MAGI2: variants seen among roughly 807,000 people sequenced by gnomAD.
MAGI2 encodes membrane associated guanylate kinase, WW and PDZ domain containing 2.
MAGI2 carries 35 observed loss-of-function variants against 133.3 expected under a neutral mutation model. The ratio of observed to expected loss-of-function variants is 0.26; its 90% CI spans 0.20 to 0.35. The LOEUF is 0.35. Among genes scored for constraint, MAGI2 ranks in the 10% least tolerant of loss-of-function variants. The pLI is 1.00. For synonymous variants in MAGI2, 729 were observed against 710.6 expected, an observed-to-expected ratio of 1.03 and a Z score of -0.41; for missense variants, 1,636 against 1,863.4, an observed-to-expected ratio of 0.88 and a Z score of 2.25.
At chr7:79,047,990 T>C (rs1812330512) in intron 1 of MAGI2, among the ~76,000 whole-genome samples, 1 of 152,326 alleles carries the variant, frequency 6.6e-6, no homozygotes, top group Admixed American at 6.5e-5. Context: ...CCCACTACGA[T>C]GGCCTATTAG....
intron 2 of MAGI2, among the ~76,000 whole-genome samples, chr7:78,709,118 TTA>T (rs1413094382): frequency 6.6e-6 from 1 of 152,066 alleles, no homozygotes; most frequent in Non-Finnish European, 1.5e-5. Flanking sequence ...ATAAATCTGA[TTA>T]TATTACTACC....
rs60664460 is a variant in MAGI2 at position 79,371,097 on chromosome 7, C to T, written c.301+81923G>A. On this transcript the variant is annotated intron_variant, in intron 1 of 21. Transcript: ENST00000354212. ...ATTCCAGTTTTTTAAGGAAGTCTTCCCCGATCACTCCAGAGACAGTAATAT... is the reference window on the plus strand; with the variant it reads ...ATTCCAGTTTTTTAAGGAAGTCTTCTCCGATCACTCCAGAGACAGTAATAT... Among the ~76,000 whole-genome samples, 1,296 of 152,106 alleles carry T rather than the reference C, an allele frequency of 8.5e-3. 12 individuals are homozygous for T. The highest frequency in any genetic ancestry group is 0.03 in the African/African-American group (1,243 of 41,498).
At chr7:78,860,174 A>G (rs1016546153) in intron 2 of MAGI2, among the ~76,000 whole-genome samples, 2 of 152,104 alleles carry the variant, frequency 1.3e-5, no homozygotes. Flanking sequence ...CTTCTTTGCT[A>G]TGGGTTCAAA....
chr7:78,892,956 G>C (rs1796890858), intron 2 of MAGI2, among the ~76,000 whole-genome samples: 1 of 151,972 alleles, frequency 6.6e-6, no homozygotes. Flanking sequence ...TACAAAATGG[G>C]AGAAAATTTT....
At chr7:78,889,786 GA>G (rs1256193569) in intron 2 of MAGI2, among the ~76,000 whole-genome samples, 1 of 151,384 alleles carries the variant, frequency 6.6e-6, no homozygotes, top group African/African-American at 2.4e-5. Context: ...GCCAAATTGT[GA>G]AGACCATTGA....
At chr7:78,702,438 TA>T (rs1384034896) in intron 2 of MAGI2, among the ~76,000 whole-genome samples, 2 of 151,984 alleles carry the variant, frequency 1.3e-5, no homozygotes, top group Non-Finnish European at 2.9e-5. Context: ...ATCTTGTTTA[TA>T]GTCACTAAAT....
chr7:78,842,548 AT>A (rs565330503), intron 2 of MAGI2, among the ~76,000 whole-genome samples: 12 of 151,826 alleles, frequency 7.9e-5, no homozygotes, highest in Non-Finnish European at 1.3e-4. Context: ...TGTTTATATC[AT>A]TTTTAACAAA....
chr7:78,494,088 C>T (rs1044190079), intron 5 of MAGI2, among the ~76,000 whole-genome samples: 3 of 151,860 alleles, frequency 2.0e-5, no homozygotes, highest in South Asian at 2.1e-4. Flanking sequence ...GTGATTCTCC[C>T]GCCTCAGCCT....
intron 2 of MAGI2, among the ~76,000 whole-genome samples, chr7:78,713,361 A>G (rs1056937609): frequency 6.6e-6 from 1 of 152,178 alleles, no homozygotes; most frequent in Non-Finnish European, 1.5e-5. Flanking sequence ...GGCCCTGGTT[A>G]TAGTTTTGGC....
intron 2 of MAGI2, among the ~76,000 whole-genome samples, chr7:78,902,341 T>C (rs991492650): frequency 4.6e-5 from 7 of 152,174 alleles, no homozygotes; most frequent in Admixed American, 1.3e-4. Flanking sequence ...ACTTCCTATG[T>C]TTACCTCATG....
In MAGI2 at chr7:79,247,092, C is replaced by CA. The variant is rs981670922; in HGVS notation, c.301+205927dup. 1.1e-3 allele frequency among the ~76,000 whole-genome samples: 162 copies of CA among 151,562 alleles called. 1 individual carries two copies. Among genetic ancestry groups the CA allele is most frequent in the Admixed American group, 4.3e-3 (66 of 15,234 alleles). ...CATGGAGGAGAAATAGTTTCCCAGACAAAAAAAACCTGTGACATTTCATCA... is the reference window on the plus strand; with the variant it reads ...CATGGAGGAGAAATAGTTTCCCAGACAAAAAAAAACCTGTGACATTTCATCA... On this transcript the variant is annotated intron_variant, in intron 1 of 21. Transcript: ENST00000354212.
intron 9 of MAGI2, among the ~76,000 whole-genome samples, chr7:78,277,695 A>T (rs552615900): frequency 1.6e-4 from 24 of 152,350 alleles, no homozygotes; most frequent in Admixed American, 1.4e-3. Context: ...ACGTGGCAAC[A>T]GTAGAACATC....
At chr7:78,675,029 A>G (rs544311517) in intron 2 of MAGI2, among the ~76,000 whole-genome samples, 84 of 152,304 alleles carry the variant, frequency 5.5e-4, no homozygotes, top group African/African-American at 2.0e-3. Flanking sequence ...GTTTATTTTC[A>G]TAAGTGTCCA....
Position 79,226,422 on chromosome 7 carries a change from T to C in MAGI2, c.302-219216A>G, listed in dbSNP as rs192461253. ...GCTATAGAATTTCATTTCCAGAATATATAATCTTCCCTTTTTATACTGATC... is the reference window on the plus strand; with the variant it reads ...GCTATAGAATTTCATTTCCAGAATACATAATCTTCCCTTTTTATACTGATC... On this transcript the variant is annotated intron_variant, in intron 1 of 21. Coordinates refer to ENST00000354212, the MANE Select transcript of MAGI2 (RefSeq NM_012301.4). Among the ~76,000 whole-genome samples the C allele has an allele frequency of 1.4e-3, 207 of 152,288 alleles. 1 individual carries two copies. Among genetic ancestry groups the C allele is most frequent in the African/African-American group, 4.7e-3 (197 of 41,582 alleles).
rs533541159 is a variant in MAGI2, at chr7:78,194,917, T to C, written c.2226A>G (p.Pro742=). ...TEAFDPRKPD[P]YELYEKSRAI... is the part of the protein sequence containing the mutation. ...CCCTAGATTTCTCGTAGAGCTCATA[T>C]GGATCAGGCTTCCGTGGGTCAAAGG... Residue 742 remains proline (P), a synonymous_variant, in exon 12 of 22, where the codon CCA becomes CCG. Coordinates refer to ENST00000354212, the MANE Select transcript of MAGI2 (RefSeq NM_012301.4). The C allele has an allele frequency of 9.6e-5, 155 of 1,613,366 alleles. 1 individual carries two copies. In the South Asian group the frequency reaches 1.5e-3, roughly 16 times the overall value.
Position 78,507,007 on chromosome 7 carries a change from C to T in MAGI2, c.755-5220G>A, listed in dbSNP as rs79747226. On this transcript the variant is annotated intron_variant, in intron 4 of 21. Transcript: ENST00000354212. ...ACTGGACAAAGTTCTCCCAGTTTATCTGTTTATTCATTCATTTCTTTATTC... is the reference window on the plus strand; with the variant it reads ...ACTGGACAAAGTTCTCCCAGTTTATTTGTTTATTCATTCATTTCTTTATTC... Among the ~76,000 whole-genome samples, 154 of 152,286 alleles carry T rather than the reference C, an allele frequency of 1.0e-3. 2 individuals carry two copies. The highest frequency in any genetic ancestry group is 3.3e-3 in the African/African-American group (136 of 41,572).
intron 14 of MAGI2, among the ~76,000 whole-genome samples, chr7:78,172,038 AC>A (rs1826161251): frequency 6.6e-6 from 1 of 152,164 alleles, no homozygotes. Flanking sequence ...CCCCAAAGAA[AC>A]AAAACAATTC....
chr7:79,408,551 T>A (rs1845957473), intron 1 of MAGI2, among the ~76,000 whole-genome samples: 1 of 152,012 alleles, frequency 6.6e-6, no homozygotes, highest in African/African-American at 2.4e-5. Context: ...TAAATAAATG[T>A]CTAAATGGAA....
At chr7:78,855,841 C>G (rs1793589126) in intron 2 of MAGI2, among the ~76,000 whole-genome samples, 1 of 152,198 alleles carries the variant, frequency 6.6e-6, no homozygotes, top group Non-Finnish European at 1.5e-5. Context: ...CTGTCTTCCA[C>G]AATGGTTGAA....
Sources: gnomAD v4.1 joint callset for allele counts (sites outside exome capture counted in the v4.1 genomes callset) on GRCh38, gnomAD v4.1.1 for gene constraint, MANE v1.5 for transcripts, NCBI Gene and HGNC (gene_info 2026-07-23, HGNC 2026-07-21) for gene names.